GARNL3: variants seen among roughly 807,000 people sequenced by gnomAD.
The protein encoded by GARNL3 is GTPase activating Rap/RanGAP domain like 3.
Under a neutral mutation model 125.0 loss-of-function variants are expected in GARNL3, and 63 were observed. The ratio of observed to expected loss-of-function variants is 0.50; its 90% CI spans 0.41 to 0.62. GARNL3 has a LOEUF of 0.62. GARNL3 is among the 20% of genes least tolerant of loss of function. GARNL3 has a pLI of 0.00. For synonymous variants in GARNL3, 439 were observed against 457.5 expected, an observed-to-expected ratio of 0.96 and a Z score of 0.52; for missense variants, 994 against 1,244.0, an observed-to-expected ratio of 0.80 and a Z score of 3.02.
chr9:127,231,321 C>T (rs1160059844), intron 1 of GARNL3, among the ~76,000 whole-genome samples: 1 of 150,588 alleles, frequency 6.6e-6, no homozygotes, highest in African/African-American at 2.5e-5. Flanking sequence ...ATCCGCCCGC[C>T]TCGGCCTCCC....
rs1292380673 is a variant in GARNL3 at position 127,391,552 on chromosome 9, A to ATATATG, written c.2870+785_2870+786insTATATG. ...AAAAAAAATATATATATATATATATAGGCTGGGTCTGGTGGCATGAGCCTG... is the reference window on the plus strand; with the variant it reads ...AAAAAAAATATATATATATATATATATATATGGGCTGGGTCTGGTGGCATGAGCCTG... On this transcript the variant is annotated intron_variant, in intron 27 of 27. Coordinates refer to ENST00000373387, the MANE Select transcript of GARNL3 (RefSeq NM_032293.5). Among the ~76,000 whole-genome samples the ATATATG allele has an allele frequency of 3.1e-3, 403 of 128,900 alleles. 7 individuals carry two copies. The highest frequency in any genetic ancestry group is 0.011 in the African/African-American group (389 of 34,866). 84.6% of individuals were successfully genotyped at this position (128,900 alleles called of 152,430 possible). A position where few individuals can be genotyped will look rare whatever the true frequency, so the allele number is the denominator to read the frequency against.
intron 25 of GARNL3, among the ~76,000 whole-genome samples, 159 bp downstream of exon 25, chr9:127,387,490 C>T (rs1280475341): frequency 6.6e-6 from 1 of 152,146 alleles, no homozygotes; most frequent in Non-Finnish European, 1.5e-5. Context: ...CCCCTATAAT[C>T]CCAGCACTTT....
At chr9:127,251,929 T>C (rs967469769) in intron 2 of GARNL3, among the ~76,000 whole-genome samples, 1 of 152,176 alleles carries the variant, frequency 6.6e-6, no homozygotes, top group Non-Finnish European at 1.5e-5. Context: ...ACAACACTTA[T>C]CATCAGAGAT....
chr9:127,315,025 T>A (rs1461815860), intron 4 of GARNL3, among the ~76,000 whole-genome samples: 1 of 152,162 alleles, frequency 6.6e-6, no homozygotes, highest in Non-Finnish European at 1.5e-5. Context: ...GGAGGTGGAA[T>A]TTAAATCCCA....
At position 127,333,115 on chromosome 9, in the gene GARNL3, A is replaced by G. The variant is rs771382046; in HGVS notation, c.763A>G (p.Thr255Ala). 2 of 1,611,566 alleles carry G rather than the reference A, an allele frequency of 1.2e-6. No homozygotes were observed. Among genetic ancestry groups the G allele is most frequent in the South Asian group, 2.2e-5 (2 of 91,006 alleles). Residue 255 changes from threonine (T) to alanine (A), a missense_variant, in exon 9 of 28, where the codon ACC becomes GCC. This residue lies in a region of GARNL3 where 71 missense variants were observed against 66.2 expected (regional missense o/e 1.07). Coordinates refer to ENST00000373387, the MANE Select transcript of GARNL3 (RefSeq NM_032293.5). Reference sequence around the variant, plus strand: ...GACGGGCTACCGTGGCGGTCTGGATACCAAAAGTAAGCCTGCCTCTTGATC... The same window carrying G: ...GACGGGCTACCGTGGCGGTCTGGATGCCAAAAGTAAGCCTGCCTCTTGATC... Reference protein sequence around the residue: ...GWTGYRGGLDTKNDTTGIHSV... With the variant: ...GWTGYRGGLDAKNDTTGIHSV...
intron 5 of GARNL3, 112 bp downstream of exon 5, chr9:127,318,239 T>C (rs1375286000): frequency 3.9e-6 from 3 of 771,424 alleles, no homozygotes; most frequent in Non-Finnish European, 4.7e-6. Flanking sequence ...CTTGACTGTG[T>C]GTAAGATGTT....
chr9:127,351,175 G>A (rs1830405077), intron 17 of GARNL3, among the ~76,000 whole-genome samples: 1 of 152,164 alleles, frequency 6.6e-6, no homozygotes, highest in African/African-American at 2.4e-5. Flanking sequence ...CTATTCGTAA[G>A]CTTGCCTAAA....
intron 4 of GARNL3, among the ~76,000 whole-genome samples, chr9:127,316,258 T>C (rs952620927): frequency 6.6e-6 from 1 of 152,116 alleles, no homozygotes; most frequent in African/African-American, 2.4e-5. Flanking sequence ...AAACTGCCTT[T>C]GGGCTGGGCA....
chr9:127,228,891 T>G (rs187535214), intron 1 of GARNL3, among the ~76,000 whole-genome samples: 3 of 152,190 alleles, frequency 2.0e-5, no homozygotes, highest in Admixed American at 2.0e-4. Context: ...TGGCTCAATC[T>G]CGGCTCACTG....
intron 17 of GARNL3, among the ~76,000 whole-genome samples, chr9:127,349,642 G>T (rs937748640): frequency 1.3e-5 from 2 of 152,162 alleles, no homozygotes; most frequent in Non-Finnish European, 2.9e-5. Flanking sequence ...CAGAGAGGGT[G>T]CAACTTCAGA....
At chr9:127,357,728 A>G (rs1055281331) in intron 21 of GARNL3, among the ~76,000 whole-genome samples, 7 of 152,060 alleles carry the variant, frequency 4.6e-5, no homozygotes, top group African/African-American at 1.7e-4. Context: ...GCCTGAGCCC[A>G]GGAGTTCGAG....
At chr9:127,383,759 G>A (rs575472538) in intron 23 of GARNL3, among the ~76,000 whole-genome samples, 1 of 151,962 alleles carries the variant, frequency 6.6e-6, no homozygotes, top group Non-Finnish European at 1.5e-5. Flanking sequence ...GTTTCTCTCA[G>A]TGCCTGAGCA....
Position 127,389,131 on chromosome 9 carries a change from C to T in GARNL3, c.2743+12C>T, listed in dbSNP as rs1293452937. ...CAGGGAACTACTGGGTAATGGTTCTCAATCCTGGTTTCCACTGTCTGTGAA... is the reference window on the plus strand; with the variant it reads ...CAGGGAACTACTGGGTAATGGTTCTTAATCCTGGTTTCCACTGTCTGTGAA... On this transcript the variant is annotated intron_variant, in intron 26 of 27. Transcript: ENST00000373387. The T allele has an allele frequency of 2.5e-6, 4 of 1,591,412 alleles. No individual in the cohort carries two copies. In the Admixed American group the frequency reaches 5.0e-5, roughly 20 times the overall value.
In GARNL3 at chr9:127,254,724, G is replaced by A. The variant is rs369324005; in HGVS notation, c.144-10228G>A. 3.2e-4 allele frequency among the ~76,000 whole-genome samples: 48 copies of A among 151,290 alleles called. No homozygotes were observed. The East Asian group carries it at 6.8e-3, about 21-fold the overall frequency. On this transcript the variant is annotated intron_variant, in intron 2 of 10. Coordinates refer to the GARNL3 transcript ENST00000439286. ...GTGGAGGTTACAATGAGCCAAGATC[G>A]TGCCACTGCACTCCAGCCTGGGTGA... is the stretch of plus-strand genomic sequence containing the variant.
chr9:127,262,715 G>T (rs897349349), upstream of GARNL3, among the ~76,000 whole-genome samples: 2 of 152,244 alleles, frequency 1.3e-5, no homozygotes, highest in African/African-American at 4.8e-5. Flanking sequence ...GGTAGAAGAG[G>T]TGCTGTCAGG....
chr9:127,351,149 G>A (rs1305979425), intron 17 of GARNL3, among the ~76,000 whole-genome samples: 3 of 152,176 alleles, frequency 2.0e-5, no homozygotes, highest in African/African-American at 7.2e-5. Context: ...GAAAGAGAAA[G>A]CATGCTTCAT....
chr9:127,368,330 CTT>C (rs113907432), intron 22 of GARNL3, among the ~76,000 whole-genome samples: 56 of 128,936 alleles, frequency 4.3e-4, no homozygotes, highest in Middle Eastern at 4.4e-3. Flanking sequence ...AAATACATTT[CTT>C]TTTTTTTTTT....
Position 127,244,855 on chromosome 9 carries a change from C to G in GARNL3, c.143+1606C>G, listed in dbSNP as rs79547313. 5.7e-3 allele frequency among the ~76,000 whole-genome samples: 863 copies of G among 152,354 alleles called. 23 individuals are homozygous for G. In the East Asian group the frequency reaches 0.086, roughly 15 times the overall value. On this transcript the variant is annotated intron_variant, in intron 2 of 10. Coordinates refer to the GARNL3 transcript ENST00000439286. ...TCAGAGCTTCCGCACCTTCCAGAAA[C>G]TGCCTCTCAGGTGAATAAGATATTG...
intron 1 of GARNL3, among the ~76,000 whole-genome samples, chr9:127,281,942 T>C (rs1345627202): frequency 6.6e-6 from 1 of 152,240 alleles, no homozygotes; most frequent in African/African-American, 2.4e-5. Context: ...ATGTTGGAAA[T>C]CATTTCTCAA....
Sources: allele counts gnomAD v4.1 joint callset (sites outside exome capture counted in the v4.1 genomes callset), GRCh38; gene constraint gnomAD v4.1.1; regional missense constraint gnomAD v4.1.1; transcripts MANE v1.5; gene names NCBI Gene and HGNC (gene_info 2026-07-23, HGNC 2026-07-21).